CCSER1: variants seen among roughly 807,000 people sequenced by gnomAD.
The protein encoded by CCSER1 is coiled-coil serine rich protein 1.
A neutral mutation model predicts 82.0 loss-of-function variants in CCSER1; 41 were observed. That is an observed-to-expected ratio of 0.50 (90% CI 0.39 to 0.65). CCSER1 has a LOEUF of 0.65. Ranked by LOEUF, CCSER1 falls within the 30% of genes least tolerant of loss-of-function variation. The pLI is 0.00. For missense variants in CCSER1, 1,119 were observed against 1,064.2 expected (o/e 1.05, Z -0.72); for synonymous variants, 414 against 383.9 (o/e 1.08, Z -0.92).
rs186268016 is a variant in CCSER1 at position 90,635,798 on chromosome 4, A to T, written c.1932+7566A>T. Among the ~76,000 whole-genome samples the T allele has an allele frequency of 8.0e-4, 122 of 151,954 alleles. 1 individual carries two copies. The East Asian group carries it at 0.017, about 21-fold the overall frequency. ...TGTTCCCAACACAAAGAAAAGATAC[A>T]TGTTTGAGGTGATGTATATAGCAAT... On this transcript the variant is annotated intron_variant, in intron 6 of 10. Transcript: ENST00000509176.
chr4:90,934,331 C>T (rs1730653791), intron 9 of CCSER1, among the ~76,000 whole-genome samples: 1 of 152,112 alleles, frequency 6.6e-6, no homozygotes, highest in African/African-American at 2.4e-5. Context: ...CAAGTTATTT[C>T]AGGATAAGAG....
intron 6 of CCSER1, among the ~76,000 whole-genome samples, chr4:90,703,166 T>C (rs548283484): frequency 6.6e-6 from 1 of 152,234 alleles, no homozygotes; most frequent in Non-Finnish European, 1.5e-5. Context: ...TATTCTATTA[T>C]GCTGTGTCTT....
intron 5 of CCSER1, among the ~76,000 whole-genome samples, chr4:90,481,711 G>A (rs1049962901): frequency 1.3e-5 from 2 of 152,170 alleles, no homozygotes; most frequent in Non-Finnish European, 2.9e-5. Context: ...TGCATCCCAG[G>A]GATGAAGCCC....
intron 8 of CCSER1, among the ~76,000 whole-genome samples, chr4:90,908,009 A>G (rs907281582): frequency 3.9e-5 from 6 of 152,138 alleles, no homozygotes; most frequent in Non-Finnish European, 8.8e-5. Context: ...TTTTAAAAAC[A>G]ATAGAGTATC....
At chr4:90,666,241 A>G (rs542970581) in intron 6 of CCSER1, among the ~76,000 whole-genome samples, 1 of 152,280 alleles carries the variant, frequency 6.6e-6, no homozygotes, top group Admixed American at 6.5e-5. Flanking sequence ...AATCTATTTT[A>G]AAGTTAACTG....
chr4:90,489,008 A>G (rs1167014206), intron 5 of CCSER1, among the ~76,000 whole-genome samples: 1 of 152,210 alleles, frequency 6.6e-6, no homozygotes, highest in Non-Finnish European at 1.5e-5. Flanking sequence ...CATAAATATA[A>G]CAACTTGGAT....
chr4:90,765,140 A>C (rs541607225), intron 7 of CCSER1, among the ~76,000 whole-genome samples: 43 of 152,246 alleles, frequency 2.8e-4, no homozygotes, highest in African/African-American at 9.4e-4. Flanking sequence ...TCGCTAACTC[A>C]CTTAATTAAC....
At chr4:90,342,186 A>G (rs1286511643) in intron 3 of CCSER1, among the ~76,000 whole-genome samples, 1 of 152,138 alleles carries the variant, frequency 6.6e-6, no homozygotes, top group Non-Finnish European at 1.5e-5. Flanking sequence ...GAACATGCTT[A>G]TTTTCTGGTT....
At chr4:91,177,417 T>C (rs960415451) in intron 10 of CCSER1, among the ~76,000 whole-genome samples, 6 of 152,234 alleles carry the variant, frequency 3.9e-5, no homozygotes, top group African/African-American at 1.4e-4. Flanking sequence ...TTTGTACGTC[T>C]GGTAGAATTT....
At chr4:91,577,503 T>G (rs1013653775) in intron 10 of CCSER1, among the ~76,000 whole-genome samples, 1 of 152,030 alleles carries the variant, frequency 6.6e-6, no homozygotes, top group Admixed American at 6.6e-5. Context: ...TTCTAGCATA[T>G]TATATTTTTA....
intron 6 of CCSER1, among the ~76,000 whole-genome samples, chr4:90,650,816 A>G (rs946346149): frequency 6.6e-6 from 1 of 152,094 alleles, no homozygotes; most frequent in Non-Finnish European, 1.5e-5. Flanking sequence ...TCCTACCTCA[A>G]CTTTTCTTCT....
rs1382854584 is a variant in CCSER1 at position 91,601,928 on chromosome 4, A to G, written c.*2871A>G. 1 of 152,044 alleles carries G rather than the reference A, an allele frequency of 6.6e-6. No homozygotes were observed. The highest frequency in any genetic ancestry group is 1.5e-5 in the Non-Finnish European group (1 of 67,958). 9.4% of individuals were successfully genotyped at this position (152,044 alleles called of 1,614,324 possible). On this transcript the variant is annotated 3_prime_UTR_variant, in exon 11 of 11. Transcript: ENST00000509176. ...ATGAAACTGTATTTCTATGAACTCA[A>G]TGATTTTTTTCCATAAAATTATATG...
intron 10 of CCSER1, among the ~76,000 whole-genome samples, chr4:91,437,271 A>G: frequency 6.6e-6 from 1 of 152,212 alleles, no homozygotes; most frequent in East Asian, 1.9e-4. Flanking sequence ...ACCCTGGGGG[A>G]AGCATGTTTG....
chr4:91,434,314 T>C (rs1353035494), intron 10 of CCSER1, among the ~76,000 whole-genome samples: 2 of 152,070 alleles, frequency 1.3e-5, no homozygotes, highest in African/African-American at 4.8e-5. Flanking sequence ...AATTAGAATA[T>C]GGAAAAACGG....
At chr4:90,972,664 T>A (rs916600894) in intron 9 of CCSER1, among the ~76,000 whole-genome samples, 2 of 151,568 alleles carry the variant, frequency 1.3e-5, no homozygotes, top group African/African-American at 4.8e-5. Flanking sequence ...AGAAAAAAAA[T>A]TCTGAAATTC....
At chr4:90,495,149 AC>A (rs1768790006) in intron 5 of CCSER1, among the ~76,000 whole-genome samples, 1 of 152,130 alleles carries the variant, frequency 6.6e-6, no homozygotes, top group African/African-American at 2.4e-5. Context: ...GTTTGTATGA[AC>A]ACTAATGTGG....
intron 10 of CCSER1, among the ~76,000 whole-genome samples, chr4:91,389,570 T>C (rs752988793): frequency 1.3e-5 from 2 of 152,036 alleles, no homozygotes; most frequent in Middle Eastern, 3.2e-3. Context: ...CTGGGTCTTT[T>C]GTTTCTCCAT....
chr4:90,984,589 C>G (rs1485243697), intron 9 of CCSER1, among the ~76,000 whole-genome samples: 2 of 151,598 alleles, frequency 1.3e-5, no homozygotes, highest in African/African-American at 4.8e-5. Flanking sequence ...GCCCCCCATG[C>G]CTGGATCAAT....
At chr4:90,355,944 G>A (rs1192816691) in intron 3 of CCSER1, among the ~76,000 whole-genome samples, 1 of 151,918 alleles carries the variant, frequency 6.6e-6, no homozygotes, top group African/African-American at 2.4e-5. Flanking sequence ...ATAGGCAAAT[G>A]TGAATTGGCT....
Sources: allele counts gnomAD v4.1 joint callset (sites outside exome capture counted in the v4.1 genomes callset), GRCh38; gene constraint gnomAD v4.1.1; transcripts MANE v1.5; gene names NCBI Gene and HGNC (gene_info 2026-07-23, HGNC 2026-07-21).